The following ATP13A4 variants were observed in gnomAD, a reference collection of about 807,000 sequenced individuals.
The protein encoded by ATP13A4 is probable cation-transporting ATPase 13A4.
Under a neutral mutation model 142.5 loss-of-function variants are expected in ATP13A4, and 114 were observed. The observed-to-expected ratio is 0.80, with a 90% CI of 0.69 to 0.93. The LOEUF is 0.93. ATP13A4 is among the 40% of genes least tolerant of loss of function. The pLI is 0.00. For synonymous variants in ATP13A4, 488 were observed against 514.8 expected (o/e 0.95, Z 0.70); for missense variants, 1,392 against 1,454.0 (o/e 0.96, Z 0.69).
At chr3:193,495,312 T>A (rs1002212252) in intron 3 of ATP13A4, among the ~76,000 whole-genome samples, 1 of 152,052 alleles carries the variant, frequency 6.6e-6, no homozygotes, top group Non-Finnish European at 1.5e-5. Context: ...AAATCATATG[T>A]CAATATTCCT....
intron 2 of ATP13A4, among the ~76,000 whole-genome samples, chr3:193,507,855 C>A (rs73888583): frequency 6.6e-6 from 1 of 152,134 alleles, no homozygotes; most frequent in African/African-American, 2.4e-5. Flanking sequence ...GTATTATCAT[C>A]AGCCCCGGTT....
chr3:193,570,895 G>GTA (rs1724246643), intron 2 of ATP13A4, among the ~76,000 whole-genome samples: 2 of 152,176 alleles, frequency 1.3e-5, no homozygotes, highest in Admixed American at 1.3e-4. Context: ...TTAGCACAGT[G>GTA]TATATATAAA....
At chr3:193,455,213 A>C (rs796579911) in intron 16 of ATP13A4, among the ~76,000 whole-genome samples, 16 of 151,922 alleles carry the variant, frequency 1.1e-4, no homozygotes, top group Middle Eastern at 3.5e-3. Flanking sequence ...AGGTGGCGGG[A>C]GCCCGTAGTC....
At chr3:193,526,712 GA>G (rs1722025167) in intron 1 of ATP13A4, among the ~76,000 whole-genome samples, 2 of 151,828 alleles carry the variant, frequency 1.3e-5, no homozygotes, top group Admixed American at 1.3e-4. Context: ...TAAATAGTTA[GA>G]AAAAAATAAT....
intron 8 of ATP13A4, among the ~76,000 whole-genome samples, chr3:193,472,414 C>A (rs906496759): frequency 6.6e-6 from 1 of 152,040 alleles, no homozygotes; most frequent in Non-Finnish European, 1.5e-5. Flanking sequence ...TACTTGTGCC[C>A]CAAAGCACAA....
At chr3:193,523,285 C>T (rs1016923510) in intron 1 of ATP13A4, among the ~76,000 whole-genome samples, 3 of 148,622 alleles carry the variant, frequency 2.0e-5, no homozygotes, top group Non-Finnish European at 4.4e-5. Context: ...GGCTGGGCAA[C>T]AAGAGTGAAA....
intron 19 of ATP13A4, 113 bp from the exon 20 acceptor site, chr3:193,441,701 C>T: frequency 7.8e-7 from 1 of 1,287,848 alleles, no homozygotes; most frequent in Non-Finnish European, 1.1e-6. Context: ...CTGTAAAAGT[C>T]ACTCTGATTC....
At chr3:193,556,100 G>A (rs1468406065), upstream of ATP13A4, among the ~76,000 whole-genome samples, 1 of 152,174 alleles carries the variant, frequency 6.6e-6, no homozygotes, top group Admixed American at 6.5e-5. Context: ...GTACTAGGTG[G>A]TCGTTGTGCT....
At chr3:193,531,320 AAG>A (rs1560262283) in intron 1 of ATP13A4, among the ~76,000 whole-genome samples, 1 of 114,468 alleles carries the variant, frequency 8.7e-6, no homozygotes, top group African/African-American at 3.2e-5. Flanking sequence ...GGAAGGAAGG[AAG>A]GAAGGAAGGA....
rs191195657 is a variant in ATP13A4 at position 193,402,518 on chromosome 3, G to C, written c.*134C>G. On this transcript the variant is annotated 3_prime_UTR_variant, in exon 30 of 30. Transcript: ENST00000342695. ...ACAGTATTTTATCAAACAGACTTTA[G>C]TTTGTCACCATGATTTGATAGGTAG... 1 of 658,400 alleles carries C rather than the reference G, an allele frequency of 1.5e-6. No individual in the cohort carries two copies. The highest frequency in any genetic ancestry group is 2.7e-6 in the Non-Finnish European group (1 of 365,696). 40.8% of individuals were successfully genotyped at this position (658,400 alleles called of 1,614,324 possible).
At chr3:193,419,560 A>C (rs2108608997) in intron 25 of ATP13A4, among the ~76,000 whole-genome samples, 1 of 119,390 alleles carries the variant, frequency 8.4e-6, no homozygotes, top group African/African-American at 3.1e-5. Flanking sequence ...CACTTCCCCG[A>C]CCCCCTATAC....
At chr3:193,468,701 C>A (rs1394687272) in intron 9 of ATP13A4, among the ~76,000 whole-genome samples, 1 of 152,162 alleles carries the variant, frequency 6.6e-6, no homozygotes, top group African/African-American at 2.4e-5. Context: ...GAGCAGAGAT[C>A]ACACCACTGC....
chr3:193,464,887 T>C, intron 12 of ATP13A4, 53 bp downstream of exon 12: 1 of 1,577,696 alleles, frequency 6.3e-7, no homozygotes, highest in South Asian at 1.1e-5. Context: ...TAGATATACA[T>C]GATGACAGCA....
chr3:193,408,572 TG>T (rs1714617167), intron 28 of ATP13A4, among the ~76,000 whole-genome samples: 1 of 152,198 alleles, frequency 6.6e-6, no homozygotes, highest in South Asian at 2.1e-4. Context: ...GGAGGATAAA[TG>T]GTGGATACCC....
In ATP13A4 at chr3:193,470,968, G is replaced by A. The variant is rs376879092; in HGVS notation, c.834C>T (p.Arg278=). 2.3e-5 allele frequency: 37 copies of A among 1,614,056 alleles called. No homozygotes were observed. The highest frequency in any genetic ancestry group is 6.6e-5 in the South Asian group (6 of 91,090). The change falls in exon 9 of 30, where the codon CGC becomes CGT. Residue 278 remains arginine (R), a synonymous_variant. Transcript: ENST00000342695. ...RKAGVQELES[R]VLVPGDLLIL... is the part of the protein sequence containing the mutation. ...TTAATAAATCTCCAGGCACCAGGAC[G>A]CGTGATTCCAGCTCTTGAACTCCAG...
chr3:193,545,430 C>A (rs1322308582), intron 1 of ATP13A4, among the ~76,000 whole-genome samples: 1 of 152,110 alleles, frequency 6.6e-6, no homozygotes, highest in Non-Finnish European at 1.5e-5. Flanking sequence ...ATTTCAGGTA[C>A]AGCTGTACTC....
chr3:193,515,429 T>A (rs1721354036), intron 1 of ATP13A4, among the ~76,000 whole-genome samples: 1 of 152,154 alleles, frequency 6.6e-6, no homozygotes, highest in Non-Finnish European at 1.5e-5. Context: ...GAGTCAGGAT[T>A]GGGTGAAAGT....
At chr3:193,544,699 G>C (rs760172722) in intron 1 of ATP13A4, among the ~76,000 whole-genome samples, 2 of 152,172 alleles carry the variant, frequency 1.3e-5, no homozygotes, top group Non-Finnish European at 2.9e-5. Flanking sequence ...TACAAAAAGG[G>C]ATCTGGAGGT....
At position 193,550,746 on chromosome 3, in the gene ATP13A4, A is replaced by G. The variant is rs1553859488; in HGVS notation, c.60+3994T>C. Among the ~76,000 whole-genome samples the G allele has an allele frequency of 3.9e-5, 6 of 152,158 alleles. No individual in the cohort carries two copies. In the South Asian group the frequency reaches 1.0e-3, roughly 26 times the overall value. Reference sequence around the variant, plus strand: ...CAGAAAAGAATTCAAAGGTTTTTTTATTTTTTGTCTTATTTGTTAAGGCCT... The same window carrying G: ...CAGAAAAGAATTCAAAGGTTTTTTTGTTTTTTGTCTTATTTGTTAAGGCCT... On this transcript the variant is annotated intron_variant, in intron 1 of 29. Transcript: ENST00000342695.
Sources: gnomAD v4.1 joint callset for allele counts (sites outside exome capture counted in the v4.1 genomes callset) on GRCh38, gnomAD v4.1.1 for gene constraint, MANE v1.5 for transcripts, NCBI Gene and HGNC (gene_info 2026-07-23, HGNC 2026-07-21) for gene names.